The following DPYSL5 variants were observed in gnomAD, a reference collection of about 807,000 sequenced individuals.
The protein encoded by DPYSL5 is dihydropyrimidinase-related protein 5.
DPYSL5 carries 9 observed loss-of-function variants against 58.4 expected under a neutral mutation model. The observed-to-expected ratio is 0.15, with a 90% CI of 0.09 to 0.27. DPYSL5 has a LOEUF of 0.27. DPYSL5 is among the 10% of genes least tolerant of loss of function. The pLI is 1.00. For synonymous variants in DPYSL5, 293 were observed against 301.9 expected (o/e 0.97, Z 0.31); for missense variants, 499 against 770.6 (o/e 0.65, Z 4.17).
chr2:26,851,593 G>A (rs1319916744), intron 1 of DPYSL5, among the ~76,000 whole-genome samples: 2 of 152,044 alleles, frequency 1.3e-5, no homozygotes, highest in Non-Finnish European at 2.9e-5. Context: ...TCCTGCATTA[G>A]CTCCACGGGA....
At chr2:26,907,582 C>T (rs1375224050) in intron 2 of DPYSL5, among the ~76,000 whole-genome samples, 5 of 152,186 alleles carry the variant, frequency 3.3e-5, no homozygotes, top group South Asian at 4.2e-4. Context: ...GCCCTCCCAT[C>T]GACCCATCAT....
intron 6 of DPYSL5, among the ~76,000 whole-genome samples, chr2:26,932,137 G>GAAAGAA (rs1409919249): frequency 1.7e-5 from 1 of 59,744 alleles, no homozygotes; most frequent in African/African-American, 7.2e-5. Flanking sequence ...AAGAAAGAAA[G>GAAAGAA]AGAAAGAAAG....
At chr2:26,902,243 G>T (rs576002931) in intron 2 of DPYSL5, among the ~76,000 whole-genome samples, 9 of 152,212 alleles carry the variant, frequency 5.9e-5, no homozygotes, top group Non-Finnish European at 1.3e-4. Context: ...TAGTCTGGTT[G>T]TGGGGTCTCA....
At chr2:26,889,042 A>G (rs781057576) in intron 1 of DPYSL5, among the ~76,000 whole-genome samples, 1 of 151,968 alleles carries the variant, frequency 6.6e-6, no homozygotes, top group Non-Finnish European at 1.5e-5. Flanking sequence ...ATTCCCATTC[A>G]TGAGGGTTCA....
At chr2:26,873,374 C>T (rs768363368) in intron 1 of DPYSL5, among the ~76,000 whole-genome samples, 2 of 152,176 alleles carry the variant, frequency 1.3e-5, no homozygotes, top group Non-Finnish European at 2.9e-5. Flanking sequence ...CCCCTCACCC[C>T]CCTGGCAATC....
At chr2:26,879,713 G>C (rs1349019721) in intron 1 of DPYSL5, among the ~76,000 whole-genome samples, 2 of 152,176 alleles carry the variant, frequency 1.3e-5, no homozygotes, top group African/African-American at 2.4e-5. Flanking sequence ...ATTACCTTGG[G>C]TGGTGGGGTC....
rs981492404 is a variant in DPYSL5 at position 26,877,860 on chromosome 2, A to G, written c.-4-20636A>G. ...CCCATGTCAATACTTAGAGATCTACAGAATCCTTTTCAATGGCTGCACAGC... is the reference window on the plus strand; with the variant it reads ...CCCATGTCAATACTTAGAGATCTACGGAATCCTTTTCAATGGCTGCACAGC... On this transcript the variant is annotated intron_variant, in intron 1 of 12. Coordinates refer to ENST00000288699, the MANE Select transcript of DPYSL5 (RefSeq NM_020134.4). The surrounding 1 kb of genome is among the most constrained non-coding windows in gnomAD (Gnocchi z 4.1). Among the ~76,000 whole-genome samples the G allele has an allele frequency of 1.3e-5, 2 of 152,258 alleles. No individual in the cohort carries two copies. Among genetic ancestry groups the G allele is most frequent in the African/African-American group, 2.4e-5 (1 of 41,472 alleles).
chr2:26,948,048 T>C lies in DPYSL5; in HGVS notation c.*1053T>C, dbSNP rs2148182008. 1 of 152,608 alleles carries C rather than the reference T, an allele frequency of 6.6e-6. No individual in the cohort carries two copies. The highest frequency in any genetic ancestry group is 1.4e-5 in the Non-Finnish European group (1 of 70,152). 9.5% of individuals were successfully genotyped at this position (152,608 alleles called of 1,614,324 possible). On this transcript the variant is annotated 3_prime_UTR_variant, in exon 13 of 13. Transcript: ENST00000288699. Reference sequence around the variant, plus strand: ...CCCTGATCACTCCCAGCACTCCCCTTGCCTTCCCCTGTCTTCACCTGCCAC... The same window carrying C: ...CCCTGATCACTCCCAGCACTCCCCTCGCCTTCCCCTGTCTTCACCTGCCAC...
In DPYSL5 at chr2:26,940,187, G is replaced by T. The variant is rs1481788127; in HGVS notation, c.1089+15G>T. 1 of 1,613,016 alleles carries T rather than the reference G, an allele frequency of 6.2e-7. No homozygotes were observed. Among genetic ancestry groups the T allele is most frequent in the African/African-American group, 1.3e-5 (1 of 75,014 alleles). On this transcript the variant is annotated intron_variant, in intron 9 of 12. Transcript: ENST00000288699. The stretch of plus-strand genomic sequence containing the variant: ...AGAGAGGAGTGGTATGTTTCCTAGA[G>T]CCCCGCCCCGATCTGATCCCTGCTC...
intron 1 of DPYSL5, among the ~76,000 whole-genome samples, chr2:26,858,821 G>T (rs185194682): frequency 4.6e-4 from 69 of 149,368 alleles, no homozygotes; most frequent in African/African-American, 1.7e-3. Flanking sequence ...CAATCCCCCC[G>T]CCTTGGCCTC....
chr2:26,866,818 G>A (rs1232459240), intron 1 of DPYSL5, among the ~76,000 whole-genome samples: 5 of 147,502 alleles, frequency 3.4e-5, no homozygotes, highest in African/African-American at 5.1e-5. Context: ...TGCAACCTCC[G>A]TCTCCCGGGT....
intron 6 of DPYSL5, among the ~76,000 whole-genome samples, chr2:26,931,995 C>T (rs1211282714): frequency 9.6e-5 from 8 of 83,242 alleles, no homozygotes; most frequent in African/African-American, 3.7e-4. Context: ...GGTGACTGAG[C>T]GAGACTCTGT....
At chr2:26,896,010 C>T (rs184792099) in intron 1 of DPYSL5, among the ~76,000 whole-genome samples, 2 of 152,018 alleles carry the variant, frequency 1.3e-5, no homozygotes, top group Non-Finnish European at 2.9e-5. Flanking sequence ...GAACTCCTGA[C>T]CTCATGACTC....
At chr2:26,869,965 C>G (rs909756068) in intron 1 of DPYSL5, among the ~76,000 whole-genome samples, 5 of 152,132 alleles carry the variant, frequency 3.3e-5, no homozygotes, top group Non-Finnish European at 7.4e-5. Flanking sequence ...GAGCTGAGAT[C>G]GCGCCACTGC....
At chr2:26,941,456 T>C (rs76822622) in intron 9 of DPYSL5, among the ~76,000 whole-genome samples, 6 of 152,174 alleles carry the variant, frequency 3.9e-5, no homozygotes, top group Admixed American at 3.9e-4. Flanking sequence ...TCTAAAATAG[T>C]ATGAGCCCCA....
intron 1 of DPYSL5, among the ~76,000 whole-genome samples, chr2:26,863,075 C>G (rs1666057474): frequency 6.6e-6 from 1 of 152,130 alleles, no homozygotes. Context: ...CCCTTTCCCC[C>G]ACCACCCACC....
At chr2:26,910,195 C>A (rs2148146271) in intron 2 of DPYSL5, among the ~76,000 whole-genome samples, 1 of 152,294 alleles carries the variant, frequency 6.6e-6, no homozygotes, top group South Asian at 2.1e-4. Flanking sequence ...TGTGAACATT[C>A]ATATACATAT....
At chr2:26,869,151 G>A (rs2148115721) in intron 1 of DPYSL5, among the ~76,000 whole-genome samples, 1 of 152,280 alleles carries the variant, frequency 6.6e-6, no homozygotes, top group Admixed American at 6.5e-5. Context: ...TTTTTGAAGA[G>A]ACAGGGTTTC....
intron 1 of DPYSL5, among the ~76,000 whole-genome samples, chr2:26,857,054 T>C (rs894195354): frequency 2.0e-5 from 3 of 151,754 alleles, no homozygotes; most frequent in Non-Finnish European, 2.9e-5. Flanking sequence ...GCTACTGCAG[T>C]TTTCTTAACT....
Sources: allele counts gnomAD v4.1 joint callset (sites outside exome capture counted in the v4.1 genomes callset), GRCh38; gene constraint gnomAD v4.1.1; non-coding constraint Gnocchi (gnomAD v3.1); transcripts MANE v1.5; gene names NCBI Gene and HGNC (gene_info 2026-07-23, HGNC 2026-07-21).